The following GARNL3 variants were observed in gnomAD, a reference collection of about 807,000 sequenced individuals.
The protein encoded by GARNL3 is GTPase-activating Rap/Ran-GAP domain-like protein 3.
In GARNL3, 63 loss-of-function variants were observed where a neutral mutation model predicts 125.0. The ratio of observed to expected loss-of-function variants is 0.50; its 90% CI spans 0.41 to 0.62. The LOEUF is 0.62. GARNL3 is among the 20% of genes least tolerant of loss of function. The pLI is 0.00. For missense variants in GARNL3, 994 were observed against 1,244.0 expected, an observed-to-expected ratio of 0.80 and a Z score of 3.02; for synonymous variants, 439 against 457.5, an observed-to-expected ratio of 0.96 and a Z score of 0.52.
rs117292792 is a variant in GARNL3, at chr9:127,358,718, T to C, written c.2094+1341T>C. ...TCTATATTGGTGGTGGCCAGACTTG[T>C]CTGCAATTGGAGTCATCTGAGGAGT... On this transcript the variant is annotated intron_variant, in intron 21 of 27. Transcript: ENST00000373387. 2.8e-3 allele frequency among the ~76,000 whole-genome samples: 419 copies of C among 152,304 alleles called. 3 individuals are homozygous for C. The East Asian group carries it at 0.05, about 18-fold the overall frequency.
chr9:127,285,446 G>GT (rs1180738183), intron 1 of GARNL3, among the ~76,000 whole-genome samples: 1 of 152,024 alleles, frequency 6.6e-6, no homozygotes, highest in Non-Finnish European at 1.5e-5. Context: ...TATTAGGTCG[G>GT]TTTTTTTAAA....
chr9:127,339,069 G>A (rs890500006), intron 12 of GARNL3, among the ~76,000 whole-genome samples: 7 of 152,018 alleles, frequency 4.6e-5, no homozygotes, highest in Non-Finnish European at 1.0e-4. Flanking sequence ...AGGCTGAGGC[G>A]GGCGGATCAC....
rs140725273 is a variant in GARNL3, at chr9:127,327,809, T to C, written c.594+2714T>C. 8.5e-3 allele frequency among the ~76,000 whole-genome samples: 1,287 copies of C among 152,242 alleles called. 6 individuals are homozygous for C. Among genetic ancestry groups the C allele is most frequent in the Middle Eastern group, 0.024 (7 of 294 alleles). Reference sequence around the variant, plus strand: ...AAAAGTAAAAAAATCACATTTCTGGTAAAAATTTGAAAAAGAAATACACAA... The same window carrying C: ...AAAAGTAAAAAAATCACATTTCTGGCAAAAATTTGAAAAAGAAATACACAA... On this transcript the variant is annotated intron_variant, in intron 7 of 27. Coordinates refer to ENST00000373387, the MANE Select transcript of GARNL3 (RefSeq NM_032293.5).
Position 127,230,218 on chromosome 9 carries a change from G to A in GARNL3, c.-29+5880G>A, listed in dbSNP as rs555240066. On this transcript the variant is annotated intron_variant, in intron 1 of 10. Transcript: ENST00000439286. The stretch of plus-strand genomic sequence containing the variant: ...CCACTTGTGAACTTGGACAAATTGC[G>A]TAACCCCTCTGAACCTTAGTTAACT... Among the ~76,000 whole-genome samples the A allele has an allele frequency of 1.2e-4, 19 of 152,290 alleles. No individual in the cohort carries two copies. The South Asian group carries it at 1.5e-3, about 12-fold the overall frequency.
chr9:127,372,173 T>A (rs1385106868), intron 22 of GARNL3, among the ~76,000 whole-genome samples: 2 of 152,254 alleles, frequency 1.3e-5, no homozygotes, highest in African/African-American at 4.8e-5. Context: ...CACTCATTTA[T>A]TCAGAATATA....
In GARNL3 at chr9:127,313,659, C is replaced by T. The variant is rs1050137707; in HGVS notation, c.438+100C>T. On this transcript the variant is annotated intron_variant, in intron 4 of 27. Coordinates refer to ENST00000373387, the MANE Select transcript of GARNL3 (RefSeq NM_032293.5). ...TGTGCCAGTTTCTTCCAGGGCATGC[C>T]TCATAGTCTTCTCGTGATTCACCTC... is the stretch of plus-strand genomic sequence containing the variant. 1.1e-5 allele frequency: 9 copies of T among 825,228 alleles called. 1 individual carries two copies. The highest frequency in any genetic ancestry group is 8.4e-5 in the South Asian group (6 of 71,736). 51.1% of individuals were successfully genotyped at this position (825,228 alleles called of 1,614,324 possible).
chr9:127,233,827 A>G (rs1045951662), intron 1 of GARNL3, among the ~76,000 whole-genome samples: 1 of 152,228 alleles, frequency 6.6e-6, no homozygotes, highest in Non-Finnish European at 1.5e-5. Context: ...AGAAAAGAGC[A>G]GTTATCCATT....
chr9:127,286,820 A>G (rs1311087800), intron 1 of GARNL3, among the ~76,000 whole-genome samples: 1 of 152,202 alleles, frequency 6.6e-6, no homozygotes, highest in African/African-American at 2.4e-5. Context: ...AGGATCAATG[A>G]TTATTCTCTT....
intron 1 of GARNL3, among the ~76,000 whole-genome samples, chr9:127,267,854 C>T (rs1202763453): frequency 1.3e-5 from 2 of 152,172 alleles, no homozygotes; most frequent in South Asian, 2.1e-4. Context: ...TCCAGAAAGG[C>T]GTCTAAGATT....
Position 127,313,526 on chromosome 9 carries a change from C to G in GARNL3, c.405C>G (p.Val135=). The G allele has an allele frequency of 6.2e-7, 1 of 1,613,828 alleles. No individual in the cohort carries two copies. Among genetic ancestry groups the G allele is most frequent in the Non-Finnish European group, 8.5e-7 (1 of 1,179,726 alleles). Reference sequence around the variant, plus strand: ...TTTCTGACCAAAACAATCAACGTGTCCCTCAATACCGTGCAATTCTTTGGA... The same window carrying G: ...TTTCTGACCAAAACAATCAACGTGTGCCTCAATACCGTGCAATTCTTTGGA... ...VTLSDQNNQR[V]PQYRAILWRK... The change falls in exon 4 of 28, where the codon GTC becomes GTG. Residue 135 remains valine, a synonymous_variant. Transcript: ENST00000373387.
upstream of GARNL3, among the ~76,000 whole-genome samples, chr9:127,258,807 C>T (rs905033208): frequency 2.0e-5 from 3 of 152,206 alleles, no homozygotes; most frequent in African/African-American, 7.2e-5. Flanking sequence ...CAGTCTGGCA[C>T]ATGGTTTAGC....
chr9:127,265,122 T>C (rs921309348), intron 1 of GARNL3, 101 bp downstream of exon 1: 1 of 973,140 alleles, frequency 1.0e-6, no homozygotes, highest in African/African-American at 1.6e-5. Context: ...TGTTAGACCA[T>C]GTGGGTACAG....
At chr9:127,387,485 A>G (rs1832604387) in intron 25 of GARNL3, among the ~76,000 whole-genome samples, 154 bp downstream of exon 25, 1 of 152,186 alleles carries the variant, frequency 6.6e-6, no homozygotes, top group Admixed American at 6.5e-5. Flanking sequence ...GCTCACCCCT[A>G]TAATCCCAGC....
At chr9:127,248,174 C>T (rs1490396493) in intron 2 of GARNL3, among the ~76,000 whole-genome samples, 10 of 152,160 alleles carry the variant, frequency 6.6e-5, no homozygotes, top group Admixed American at 6.5e-4. Context: ...ATTCCCCTGC[C>T]GTTGTGTTTC....
At chr9:127,239,582 T>C (rs1330493265) in intron 1 of GARNL3, among the ~76,000 whole-genome samples, 2 of 152,238 alleles carry the variant, frequency 1.3e-5, no homozygotes, top group Admixed American at 6.5e-5. Flanking sequence ...GCTTTTTTCC[T>C]AGAGTGCCAA....
intron 1 of GARNL3, among the ~76,000 whole-genome samples, chr9:127,286,629 AC>A (rs1174407245): frequency 2.0e-5 from 3 of 152,290 alleles, no homozygotes; most frequent in Admixed American, 6.5e-5. Flanking sequence ...TTCAGTAATT[AC>A]ACTTTTCATC....
intron 22 of GARNL3, among the ~76,000 whole-genome samples, chr9:127,370,006 A>G (rs1831520630): frequency 1.3e-5 from 2 of 152,148 alleles, no homozygotes; most frequent in South Asian, 2.1e-4. Context: ...GTGGTGCCCA[A>G]GGTGTCCTCT....
intron 6 of GARNL3, 87 bp from the exon 7 acceptor site, chr9:127,324,982 G>T (rs1313177464): frequency 7.4e-7 from 1 of 1,342,490 alleles, no homozygotes; most frequent in East Asian, 2.3e-5. Context: ...GTCAGTGTGA[G>T]CAAACCAAAG....
Position 127,242,941 on chromosome 9 carries a change from G to A in GARNL3, c.-28-138G>A, listed in dbSNP as rs1490822679. 1.6e-6 allele frequency: 1 copy of A among 611,754 alleles called. No homozygotes were observed. The highest frequency in any genetic ancestry group is 2.4e-6 in the Non-Finnish European group (1 of 411,588). 37.9% of individuals were successfully genotyped at this position (611,754 alleles called of 1,614,324 possible). Reference sequence around the variant, plus strand: ...ATATGCGGTCTTGGTGGGGCCCCTGGGTCTTGAGGGTGCTTCAGTGTCACC... The same window carrying A: ...ATATGCGGTCTTGGTGGGGCCCCTGAGTCTTGAGGGTGCTTCAGTGTCACC... On this transcript the variant is annotated intron_variant, in intron 1 of 10. Coordinates refer to the GARNL3 transcript ENST00000439286. The surrounding 1 kb of genome is among the most constrained non-coding windows in gnomAD (Gnocchi z 4.6).
Sources: allele counts gnomAD v4.1 joint callset (sites outside exome capture counted in the v4.1 genomes callset), GRCh38; gene constraint gnomAD v4.1.1; non-coding constraint Gnocchi (gnomAD v3.1); transcripts MANE v1.5; gene names NCBI Gene and HGNC (gene_info 2026-07-23, HGNC 2026-07-21).